Variants in MCC observed in about 807,000 individuals in gnomAD.
MCC encodes the protein MCC regulator of Wnt signaling pathway.
Under a neutral mutation model 116.2 loss-of-function variants are expected in MCC, and 90 were observed. The observed-to-expected ratio is 0.77, with a 90% CI of 0.65 to 0.92. MCC has a LOEUF of 0.92. Ranked by LOEUF, MCC falls within the 40% of genes least tolerant of loss-of-function variation. The pLI is 0.00. For missense variants in MCC, 1,516 were observed against 1,312.2 expected (o/e 1.16, Z -2.40); for synonymous variants, 578 against 510.5 (o/e 1.13, Z -1.78).
chr5:113,481,592 A>T (rs947003494), intron 1 of MCC, among the ~76,000 whole-genome samples: 3 of 151,960 alleles, frequency 2.0e-5, no homozygotes, highest in Admixed American at 1.3e-4. Context: ...CAAAAAAATT[A>T]GCTGGGCGTG....
At chr5:113,425,064 C>T (rs1770445381) in intron 1 of MCC, among the ~76,000 whole-genome samples, 1 of 151,928 alleles carries the variant, frequency 6.6e-6, no homozygotes, top group African/African-American at 2.4e-5. Flanking sequence ...GAGATAGGGT[C>T]CACAAAGGAC....
chr5:113,417,860 G>A (rs1246714028), intron 1 of MCC, among the ~76,000 whole-genome samples: 1 of 151,732 alleles, frequency 6.6e-6, no homozygotes, highest in Non-Finnish European at 1.5e-5. Context: ...TTGAGTCCGG[G>A]AGATCAAGGC....
intron 3 of MCC, among the ~76,000 whole-genome samples, chr5:113,328,232 G>T (rs1049808574): frequency 6.6e-6 from 1 of 152,204 alleles, no homozygotes. Context: ...GATGATGCTG[G>T]CAAAGCGCTT....
chr5:113,246,375 G>A (rs1220999745), intron 3 of MCC, among the ~76,000 whole-genome samples: 2 of 152,190 alleles, frequency 1.3e-5, no homozygotes, highest in Admixed American at 1.3e-4. Flanking sequence ...TGATTTAGAG[G>A]AAGAGGGAAG....
At chr5:113,124,826 G>A (rs1265093415) in intron 5 of MCC, among the ~76,000 whole-genome samples, 1 of 152,198 alleles carries the variant, frequency 6.6e-6, no homozygotes. Flanking sequence ...CACAAAGACT[G>A]CACAGATTCT....
At chr5:113,064,669 T>A (rs1232877844) in intron 13 of MCC, among the ~76,000 whole-genome samples, 1 of 152,174 alleles carries the variant, frequency 6.6e-6, no homozygotes, top group Non-Finnish European at 1.5e-5. Context: ...AGACGAGAGC[T>A]TTAGATTGGC....
At chr5:113,272,607 G>C (rs898115371) in intron 3 of MCC, among the ~76,000 whole-genome samples, 1 of 152,118 alleles carries the variant, frequency 6.6e-6, no homozygotes, top group Non-Finnish European at 1.5e-5. Flanking sequence ...ACTTGTCCAT[G>C]TTAGGATATG....
chr5:113,029,975 G>A (rs192012134), intron 17 of MCC, among the ~76,000 whole-genome samples: 11 of 152,310 alleles, frequency 7.2e-5, no homozygotes, highest in Admixed American at 1.3e-4. Flanking sequence ...GCTGAGCACC[G>A]TGCCTGGGTG....
At chr5:113,157,804 T>A (rs1760255761) in intron 3 of MCC, among the ~76,000 whole-genome samples, 1 of 152,256 alleles carries the variant, frequency 6.6e-6, no homozygotes, top group Admixed American at 6.5e-5. Context: ...ACACTGTTTT[T>A]TCCTATACAT....
Position 113,324,135 on chromosome 5 carries a change from G to C in MCC, c.627+16384C>G, listed in dbSNP as rs1486129768. On this transcript the variant is annotated intron_variant, in intron 3 of 18. Transcript: ENST00000408903. ...AAACAAATGGACAGGAGAGAGCAAT[G>C]AGGATTTTGCTGGTTTCTATAGAAC... is the stretch of plus-strand genomic sequence containing the variant. Among the ~76,000 whole-genome samples, 7 of 152,294 alleles carry C rather than the reference G, an allele frequency of 4.6e-5. No individual in the cohort carries two copies. The East Asian group carries it at 1.2e-3, about 25-fold the overall frequency.
chr5:113,348,514 C>G (rs528625820), intron 2 of MCC, among the ~76,000 whole-genome samples: 1 of 152,122 alleles, frequency 6.6e-6, no homozygotes, highest in East Asian at 1.9e-4. Context: ...TTTCTCAAAA[C>G]AAATGATAAT....
rs369242324 is a variant in MCC, at chr5:113,232,989, A to C, written c.628-81567T>G. On this transcript the variant is annotated intron_variant, in intron 3 of 18. Coordinates refer to ENST00000408903, the MANE Select transcript of MCC (RefSeq NM_001085377.2). ...GTATGGAGCAGGCAGTTATTTTCAA[A>C]GACTTATAATCTTTTATAAGTCTTG... Among the ~76,000 whole-genome samples the C allele has an allele frequency of 2.0e-4, 30 of 152,318 alleles. 4 individuals are homozygous for C. The highest frequency in any genetic ancestry group is 7.2e-4 in the Admixed American group (11 of 15,304).
rs182731087 is a variant in MCC, at chr5:113,396,857, G to C, written c.171-11645C>G. On this transcript the variant is annotated intron_variant, in intron 1 of 18. Coordinates refer to ENST00000408903, the MANE Select transcript of MCC (RefSeq NM_001085377.2). Reference sequence around the variant, plus strand: ...AATAGCAATTTCTTCTTTTGCTTTTGATCAACCAGAAGCCCATGATTCCAA... The same window carrying C: ...AATAGCAATTTCTTCTTTTGCTTTTCATCAACCAGAAGCCCATGATTCCAA... Among the ~76,000 whole-genome samples, 26 of 152,184 alleles carry C rather than the reference G, an allele frequency of 1.7e-4. 1 individual carries two copies. The East Asian group carries it at 4.2e-3, about 25-fold the overall frequency.
chr5:113,452,905 G>A (rs966448264), intron 1 of MCC, among the ~76,000 whole-genome samples: 1 of 152,124 alleles, frequency 6.6e-6, no homozygotes, highest in African/African-American at 2.4e-5. Context: ...GATTAACTTA[G>A]GCTTGTATAT....
intron 3 of MCC, among the ~76,000 whole-genome samples, chr5:113,317,870 C>A (rs1050774811): frequency 6.6e-6 from 1 of 151,988 alleles, no homozygotes. Flanking sequence ...TTTGTGAATA[C>A]CAAAAGGAAA....
intron 1 of MCC, among the ~76,000 whole-genome samples, chr5:113,446,762 G>A (rs1288976299): frequency 3.3e-5 from 5 of 152,096 alleles, no homozygotes; most frequent in Admixed American, 2.0e-4. Flanking sequence ...GTGTACTCAC[G>A]GACATAAAGA....
intron 2 of MCC, among the ~76,000 whole-genome samples, chr5:113,378,539 G>C (rs563069954): frequency 6.6e-6 from 1 of 152,118 alleles, no homozygotes; most frequent in Non-Finnish European, 1.5e-5. Flanking sequence ...TTACAACTAC[G>C]GAATTTGATT....
intron 3 of MCC, chr5:113,294,667 C>T: frequency 9.4e-7 from 1 of 1,064,870 alleles, no homozygotes; most frequent in Non-Finnish European, 1.1e-6. Context: ...GACCCTCCCG[C>T]GCGCACCCAG....
intron 3 of MCC, among the ~76,000 whole-genome samples, chr5:113,325,688 CA>C (rs1288434792): frequency 6.6e-6 from 1 of 152,032 alleles, no homozygotes; most frequent in African/African-American, 2.4e-5. Flanking sequence ...CCATTCCAAC[CA>C]AGGTTTAATC....
Sources: allele counts gnomAD v4.1 joint callset (sites outside exome capture counted in the v4.1 genomes callset), GRCh38; gene constraint gnomAD v4.1.1; transcripts MANE v1.5; gene names NCBI Gene and HGNC (gene_info 2026-07-23, HGNC 2026-07-21).